The following ENOX1 variants were observed in gnomAD, a reference collection of about 807,000 sequenced individuals.
The protein encoded by ENOX1 is candidate growth-related and time keeping constitutive hydroquinone (NADH) oxidase.
A neutral mutation model predicts 82.5 loss-of-function variants in ENOX1; 42 were observed. The ratio of observed to expected loss-of-function variants is 0.51; its 90% CI spans 0.40 to 0.66. ENOX1 has a LOEUF of 0.66. Ranked by LOEUF, ENOX1 falls within the 30% of genes least tolerant of loss-of-function variation. The probability of loss-of-function intolerance (pLI) is 0.00; values close to 1 mark genes in which losing one functional copy is unlikely to be tolerated. For synonymous variants in ENOX1, 271 were observed against 282.2 expected, an observed-to-expected ratio of 0.96 and a Z score of 0.40; for missense variants, 608 against 811.6, an observed-to-expected ratio of 0.75 and a Z score of 3.05.
intron 2 of ENOX1, among the ~76,000 whole-genome samples, chr13:43,636,761 G>A (rs1192428783): frequency 6.6e-6 from 1 of 152,114 alleles, no homozygotes; most frequent in Admixed American, 6.6e-5. Context: ...AAGGAGAGGA[G>A]GAAATCAGCC....
At chr13:43,292,619 G>A (rs1228406609) in intron 12 of ENOX1, among the ~76,000 whole-genome samples, 2 of 101,048 alleles carry the variant, frequency 2.0e-5, no homozygotes, top group African/African-American at 6.8e-5. Flanking sequence ...TAAGGGACAA[G>A]GTTTAAAAAA....
intron 12 of ENOX1, among the ~76,000 whole-genome samples, chr13:43,290,017 C>T (rs577458333): frequency 1.2e-4 from 19 of 152,088 alleles, no homozygotes; most frequent in East Asian, 1.9e-4. Context: ...AGCAAAACCA[C>T]GAAGAGATAC....
chr13:43,740,819 CTTCAT>C, intron 1 of ENOX1, among the ~76,000 whole-genome samples: 1 of 152,176 alleles, frequency 6.6e-6, no homozygotes, highest in Non-Finnish European at 1.5e-5. Context: ...CGTGCCAGTA[CTTCAT>C]TTCTTTTTAT....
intron 1 of ENOX1, among the ~76,000 whole-genome samples, chr13:43,782,411 A>T (rs971146313): frequency 6.6e-6 from 1 of 152,178 alleles, no homozygotes; most frequent in Admixed American, 6.5e-5. Context: ...GATTTTTTTT[A>T]AAGTGAAGTT....
chr13:43,340,039 C>T (rs1312240589), intron 9 of ENOX1, among the ~76,000 whole-genome samples: 4 of 152,132 alleles, frequency 2.6e-5, no homozygotes, highest in Admixed American at 2.6e-4. Flanking sequence ...GCAAGAAGTA[C>T]AGTTGAGACA....
chr13:43,359,801 C>T (rs754668706), intron 7 of ENOX1, 50 bp downstream of exon 7: 5 of 1,550,388 alleles, frequency 3.2e-6, no homozygotes, highest in Non-Finnish European at 4.4e-6. Flanking sequence ...ATATTAACAT[C>T]ACAAAACATA....
chr13:43,228,610 A>C (rs1274517949), intron 15 of ENOX1, among the ~76,000 whole-genome samples: 3 of 152,198 alleles, frequency 2.0e-5, no homozygotes, highest in African/African-American at 7.2e-5. Flanking sequence ...TAGTTTATTT[A>C]CATTATTGGG....
rs748047639 is a variant in ENOX1 at position 43,298,335 on chromosome 13, G to A, written c.1446+11C>T. 2 of 1,552,246 alleles carry A rather than the reference G, an allele frequency of 1.3e-6. No individual in the cohort carries two copies. Among genetic ancestry groups the A allele is most frequent in the Non-Finnish European group, 1.7e-6 (2 of 1,155,888 alleles). ...TCTCTCAAAAAAAAAAAAAAAATCTGGGCCAGGTACCTGCTGCATGCCTTG... is the reference window on the plus strand; with the variant it reads ...TCTCTCAAAAAAAAAAAAAAAATCTAGGCCAGGTACCTGCTGCATGCCTTG... On this transcript the variant is annotated intron_variant, in intron 12 of 16. Transcript: ENST00000690772.
chr13:43,344,525 A>G lies in ENOX1; in HGVS notation c.1036+13T>C, dbSNP rs761526849. ...ATCACAACAAAAGAGATGGCCCCCA[A>G]AATTTTACTTACATTGAGTGAGAAT... On this transcript the variant is annotated intron_variant, in intron 9 of 16. Transcript: ENST00000690772. The G allele has an allele frequency of 1.2e-6, 2 of 1,604,468 alleles. No homozygotes were observed. Among genetic ancestry groups the G allele is most frequent in the Non-Finnish European group, 1.7e-6 (2 of 1,175,696 alleles).
chr13:43,425,629 AGGGCT>A (rs2055252907), intron 3 of ENOX1, among the ~76,000 whole-genome samples: 1 of 152,208 alleles, frequency 6.6e-6, no homozygotes, highest in Non-Finnish European at 1.5e-5. Flanking sequence ...TTTTTTAACT[AGGGCT>A]GTGTTCTCAA....
chr13:43,662,509 T>G (rs1383753613), intron 2 of ENOX1, among the ~76,000 whole-genome samples: 1 of 152,198 alleles, frequency 6.6e-6, no homozygotes, highest in Non-Finnish European at 1.5e-5. Flanking sequence ...TTAACTGATT[T>G]TCAAACTGCA....
chr13:43,616,743 C>T (rs1184278927), intron 2 of ENOX1, among the ~76,000 whole-genome samples: 2 of 152,032 alleles, frequency 1.3e-5, no homozygotes, highest in African/African-American at 2.4e-5. Context: ...TCTCTCTTCC[C>T]TTCTTCTTTT....
At chr13:43,241,217 A>C (rs1171022905) in intron 14 of ENOX1, among the ~76,000 whole-genome samples, 1 of 152,200 alleles carries the variant, frequency 6.6e-6, no homozygotes, top group Non-Finnish European at 1.5e-5. Flanking sequence ...AATGGAAAGG[A>C]CCTTATCAGA....
rs2041311147 is a variant in ENOX1, at chr13:43,213,794, CTTTG to C, written c.*192_*195del. 4.5e-6 allele frequency: 2 copies of C among 447,346 alleles called. No individual in the cohort carries two copies. The highest frequency in any genetic ancestry group is 8.0e-5 in the Admixed American group (2 of 24,878). The allele number at this position is 447,346 out of a possible 1,614,324, so 27.7% of individuals were successfully genotyped here. On this transcript the variant is annotated 3_prime_UTR_variant, in exon 17 of 17. Coordinates refer to ENST00000690772, the MANE Select transcript of ENOX1 (RefSeq NM_001347969.2). ...GAAACAGATCTGTCACAGTATGAAGCTTTGTTTATTTTAAGAAACTGGTACACAA... is the reference window on the plus strand; with the variant it reads ...GAAACAGATCTGTCACAGTATGAAGCTTTATTTTAAGAAACTGGTACACAA...
intron 8 of ENOX1, among the ~76,000 whole-genome samples, chr13:43,346,212 CAGG>C (rs2049368846): frequency 6.6e-6 from 1 of 152,078 alleles, no homozygotes; most frequent in Non-Finnish European, 1.5e-5. Context: ...GCTGCTTGCC[CAGG>C]AGGTGTGTGT....
At chr13:43,614,981 G>A (rs183842277) in intron 2 of ENOX1, among the ~76,000 whole-genome samples, 42 of 152,238 alleles carry the variant, frequency 2.8e-4, no homozygotes, top group African/African-American at 9.4e-4. Context: ...AAAGTTTGAG[G>A]AGCCTTGGTA....
intron 3 of ENOX1, among the ~76,000 whole-genome samples, chr13:43,464,763 C>T (rs934069518): frequency 2.0e-5 from 3 of 152,120 alleles, no homozygotes; most frequent in African/African-American, 7.2e-5. Context: ...CTCCAGACTT[C>T]ATTTGGATTT....
intron 2 of ENOX1, among the ~76,000 whole-genome samples, chr13:43,491,467 A>AT (rs1271448078): frequency 6.6e-6 from 1 of 152,202 alleles, no homozygotes; most frequent in East Asian, 1.9e-4. Context: ...GGTGATAAAC[A>AT]TTTGAACTAA....
At chr13:43,352,577 G>C (rs2049877992) in intron 8 of ENOX1, among the ~76,000 whole-genome samples, 1 of 152,202 alleles carries the variant, frequency 6.6e-6, no homozygotes, top group South Asian at 2.1e-4. Flanking sequence ...TCAAAGCCAT[G>C]CTATAAACTT....
Sources: allele counts gnomAD v4.1 joint callset (sites outside exome capture counted in the v4.1 genomes callset), GRCh38; gene constraint gnomAD v4.1.1; transcripts MANE v1.5; gene names NCBI Gene and HGNC (gene_info 2026-07-23, HGNC 2026-07-21).